Variants in SLC14A2 observed in about 807,000 individuals in gnomAD.
SLC14A2 encodes the protein urea transporter 2.
Under a neutral mutation model 104.6 loss-of-function variants are expected in SLC14A2, and 91 were observed. The observed-to-expected ratio is 0.87, with a 90% CI of 0.73 to 1.04. The LOEUF (loss-of-function observed/expected upper bound fraction) is 1.04. SLC14A2 is among the 50% of genes least tolerant of loss of function. SLC14A2 has a pLI of 0.00. For synonymous variants in SLC14A2, 476 were observed against 466.4 expected, an observed-to-expected ratio of 1.02 and a Z score of -0.27; for missense variants, 1,189 against 1,156.0, an observed-to-expected ratio of 1.03 and a Z score of -0.41.
chr18:45,581,102 C>T (rs1457361142), intron 2 of SLC14A2, among the ~76,000 whole-genome samples: 2 of 152,172 alleles, frequency 1.3e-5, no homozygotes, highest in Non-Finnish European at 2.9e-5. Context: ...GAATTGTCAT[C>T]TTCTCTCACT....
intron 1 of SLC14A2, among the ~76,000 whole-genome samples, chr18:45,268,905 C>T (rs113352926): frequency 2.5e-4 from 38 of 151,746 alleles, no homozygotes; most frequent in Non-Finnish European, 5.2e-4. Flanking sequence ...AAGGGGAGTT[C>T]TGATCTGGGT....
intron 2 of SLC14A2, among the ~76,000 whole-genome samples, chr18:45,530,521 C>A (rs2043666994): frequency 6.6e-6 from 1 of 152,208 alleles, no homozygotes; most frequent in East Asian, 1.9e-4. Context: ...CCTCTCATAA[C>A]CCACTTGCTA....
intron 2 of SLC14A2, among the ~76,000 whole-genome samples, chr18:45,502,678 T>C (rs2043216868): frequency 6.6e-6 from 1 of 152,236 alleles, no homozygotes; most frequent in East Asian, 1.9e-4. Context: ...AGTAAGATTA[T>C]GCTCCAAGAA....
chr18:45,250,360 GT>G (rs2084408640), intron 1 of SLC14A2, among the ~76,000 whole-genome samples: 2 of 152,012 alleles, frequency 1.3e-5, no homozygotes, highest in East Asian at 3.9e-4. Flanking sequence ...TTTTAATCTC[GT>G]TTTATTCCAT....
At chr18:45,311,739 A>T (rs566858855) in intron 1 of SLC14A2, among the ~76,000 whole-genome samples, 1 of 152,340 alleles carries the variant, frequency 6.6e-6, no homozygotes, top group South Asian at 2.1e-4. Context: ...TGATAAGCCA[A>T]CATCCTCAAA....
intron 1 of SLC14A2, among the ~76,000 whole-genome samples, chr18:45,402,927 C>A (rs1168725246): frequency 6.6e-6 from 1 of 152,234 alleles, no homozygotes; most frequent in Non-Finnish European, 1.5e-5. Context: ...TGTTCTACCT[C>A]AACTTCCAGT....
chr18:45,214,191 T>C (rs2083987238), intron 1 of SLC14A2, among the ~76,000 whole-genome samples: 2 of 152,220 alleles, frequency 1.3e-5, no homozygotes, highest in African/African-American at 4.8e-5. Flanking sequence ...TTTGTGTGTA[T>C]GTAAATGAGA....
At chr18:45,220,270 C>A (rs2084049015) in intron 1 of SLC14A2, among the ~76,000 whole-genome samples, 1 of 152,204 alleles carries the variant, frequency 6.6e-6, no homozygotes, top group Non-Finnish European at 1.5e-5. Flanking sequence ...CAAGTGACCA[C>A]CTTCACTGGG....
At chr18:45,291,063 G>A (rs895949041) in intron 1 of SLC14A2, among the ~76,000 whole-genome samples, 1 of 152,194 alleles carries the variant, frequency 6.6e-6, no homozygotes, top group Admixed American at 6.5e-5. Flanking sequence ...TGTGGGTTGA[G>A]TGTTGGCAAC....
intron 1 of SLC14A2, among the ~76,000 whole-genome samples, chr18:45,412,945 A>G (rs2086230174): frequency 6.6e-6 from 1 of 152,190 alleles, no homozygotes; most frequent in African/African-American, 2.4e-5. Context: ...CTGGTTTTTC[A>G]AGAGAAAGCA....
intron 1 of SLC14A2, among the ~76,000 whole-genome samples, chr18:45,258,086 C>A (rs774143562): frequency 2.6e-5 from 4 of 152,182 alleles, no homozygotes; most frequent in Non-Finnish European, 4.4e-5. Flanking sequence ...GTTTCATTCT[C>A]ACCACCATCC....
At chr18:45,457,959 G>A (rs893289650) in intron 1 of SLC14A2, among the ~76,000 whole-genome samples, 5 of 152,170 alleles carry the variant, frequency 3.3e-5, no homozygotes, top group Middle Eastern at 3.2e-3. Context: ...GAAAGTTGCC[G>A]GGAGAGGTGA....
At chr18:45,441,423 C>T (rs556462437) in intron 1 of SLC14A2, among the ~76,000 whole-genome samples, 5 of 152,146 alleles carry the variant, frequency 3.3e-5, no homozygotes, top group Non-Finnish European at 7.3e-5. Flanking sequence ...AAGAAGAATG[C>T]CATAGCCATT....
chr18:45,646,389 G>A (rs2045627658), intron 10 of SLC14A2: 2 of 152,138 alleles, frequency 1.3e-5, no homozygotes, highest in South Asian at 4.2e-4. Context: ...CGGGTTTCCA[G>A]AACAGATTCA....
At chr18:45,457,767 TTTACCACTTACTACCTGTGTGTCC>T (rs2086970335) in intron 1 of SLC14A2, among the ~76,000 whole-genome samples, 2 of 152,104 alleles carry the variant, frequency 1.3e-5, no homozygotes, top group African/African-American at 4.8e-5. Flanking sequence ...CTGTTCTGAC[TTTACCACTTACTACCTGTGTGTCC>T]TTGGGCAGGT....
chr18:45,252,432 T>C (rs1401206187), intron 1 of SLC14A2, among the ~76,000 whole-genome samples: 1 of 152,236 alleles, frequency 6.6e-6, no homozygotes, highest in African/African-American at 2.4e-5. Context: ...TTGTTAAATA[T>C]AGATAGACAT....
chr18:45,604,567 T>C (rs1482274484), intron 2 of SLC14A2, among the ~76,000 whole-genome samples: 1 of 152,194 alleles, frequency 6.6e-6, no homozygotes, highest in Non-Finnish European at 1.5e-5. Flanking sequence ...AGGATACATA[T>C]GGGGTCTAGT....
intron 1 of SLC14A2, among the ~76,000 whole-genome samples, chr18:45,345,491 C>T (rs1386881468): frequency 2.0e-5 from 3 of 152,122 alleles, no homozygotes; most frequent in South Asian, 2.1e-4. Flanking sequence ...TACAAAGGCA[C>T]GGCCCTGAGT....
chr18:45,389,900 T>C (rs1376885287), intron 1 of SLC14A2, among the ~76,000 whole-genome samples: 1 of 152,216 alleles, frequency 6.6e-6, no homozygotes, highest in African/African-American at 2.4e-5. Flanking sequence ...TCTTCGAGAA[T>C]GTAACTGTAG....
Sources: allele counts gnomAD v4.1 joint callset (sites outside exome capture counted in the v4.1 genomes callset), GRCh38; gene constraint gnomAD v4.1.1; transcripts MANE v1.5; gene names NCBI Gene and HGNC (gene_info 2026-07-23, HGNC 2026-07-21).